The following FAM135A variants were observed in gnomAD, a reference collection of about 807,000 sequenced individuals.
FAM135A encodes the protein family with sequence similarity 135 member A, also known as protein FAM135A.
Under a neutral mutation model 146.8 loss-of-function variants are expected in FAM135A, and 79 were observed. The ratio of observed to expected loss-of-function variants is 0.54; its 90% CI spans 0.45 to 0.65. The LOEUF is 0.65. Ranked by LOEUF, FAM135A falls within the 30% of genes least tolerant of loss-of-function variation. The probability of loss-of-function intolerance (pLI) is 0.00; values close to 1 mark genes in which losing one functional copy is unlikely to be tolerated. For missense variants in FAM135A, 1,623 were observed against 1,758.2 expected (o/e 0.92, Z 1.38); for synonymous variants, 562 against 603.6 (o/e 0.93, Z 1.01).
At chr6:70,556,065 A>G (rs1460977469) in intron 20 of FAM135A, among the ~76,000 whole-genome samples, 3 of 151,990 alleles carry the variant, frequency 2.0e-5, no homozygotes, top group South Asian at 4.2e-4. Context: ...CCTGGCCAAT[A>G]TGGTGAAACC....
At chr6:70,494,150 T>C (rs541620538) in intron 11 of FAM135A, among the ~76,000 whole-genome samples, 1 of 151,680 alleles carries the variant, frequency 6.6e-6, no homozygotes, top group Non-Finnish European at 1.5e-5. Flanking sequence ...TGTATGAAAC[T>C]ATATATTGTT....
In FAM135A at chr6:70,560,936, CTT is replaced by C. The variant is rs1801784740; in HGVS notation, c.*1018_*1019del. On this transcript the variant is annotated 3_prime_UTR_variant, in exon 22 of 22. Coordinates refer to ENST00000418814, the MANE Select transcript of FAM135A (RefSeq NM_001162529.3). ...TTTTTGATATATGGAGATGTTGAGT[CTT>C]TTGACTTTACTAAAGGTGCTGAATA... is the stretch of plus-strand genomic sequence containing the variant. The C allele has an allele frequency of 6.6e-6, 1 of 152,464 alleles. No individual in the cohort carries two copies. Among genetic ancestry groups the C allele is most frequent in the Non-Finnish European group, 1.5e-5 (1 of 67,966 alleles). 9.4% of individuals were successfully genotyped at this position (152,464 alleles called of 1,614,324 possible).
intron 10 of FAM135A, among the ~76,000 whole-genome samples, chr6:70,484,758 C>T (rs1360618527): frequency 6.6e-6 from 1 of 152,212 alleles, no homozygotes; most frequent in Non-Finnish European, 1.5e-5. Context: ...TGCTGCTCAC[C>T]TCCTGCTGTG....
intron 20 of FAM135A, among the ~76,000 whole-genome samples, chr6:70,541,766 G>A (rs1797970382): frequency 6.6e-6 from 1 of 152,114 alleles, no homozygotes; most frequent in Non-Finnish European, 1.5e-5. Flanking sequence ...CAAATCTAGT[G>A]TTTTCAGACA....
At chr6:70,513,649 C>T (rs1051319536) in intron 12 of FAM135A, among the ~76,000 whole-genome samples, 1 of 151,796 alleles carries the variant, frequency 6.6e-6, no homozygotes, top group South Asian at 2.1e-4. Context: ...ATTTTATTTT[C>T]CAAATGGTTG....
chr6:70,522,553 C>G lies in FAM135A; in HGVS notation c.1070C>G (p.Pro357Arg). Residue 357 changes from proline to arginine, a missense_variant, in exon 13 of 22, where the codon CCA (proline) becomes CGA (arginine). Pro to Arg is a moderately radical substitution (Grantham distance 103). Around this residue, in one of 7 missense-constraint regions of FAM135A, gnomAD observed 23 missense variants for 47.7 expected, o/e 0.48. Coordinates refer to ENST00000418814, the MANE Select transcript of FAM135A (RefSeq NM_001162529.3). ...GAGGCATTCTTTTGTTTTGAGCATCCAAGAGAAGCTGCCATTGCATACCAG... is the reference window on the plus strand; with the variant it reads ...GAGGCATTCTTTTGTTTTGAGCATCGAAGAGAAGCTGCCATTGCATACCAG... ...FSEAFFCFEH[P>R]REAAIAYQEL... The G allele has an allele frequency of 1.9e-6, 3 of 1,613,560 alleles. No individual in the cohort carries two copies. Among genetic ancestry groups the G allele is most frequent in the Non-Finnish European group, 2.5e-6 (3 of 1,179,730 alleles).
intron 14 of FAM135A, 76 bp from the exon 15 acceptor site, chr6:70,524,267 T>A (rs1794226769): frequency 7.1e-7 from 1 of 1,409,976 alleles, no homozygotes; most frequent in Non-Finnish European, 9.4e-7. Context: ...GAAGTTATAG[T>A]TAGAAAAAGA....
chr6:70,456,572 T>C (rs116679457), intron 5 of FAM135A, among the ~76,000 whole-genome samples: 421 of 152,358 alleles, frequency 2.8e-3, no homozygotes, highest in African/African-American at 9.4e-3. Flanking sequence ...AAAAGTATCA[T>C]TTGAAAATAA....
chr6:70,508,617 G>T (rs1233354042), intron 12 of FAM135A, among the ~76,000 whole-genome samples: 1 of 152,168 alleles, frequency 6.6e-6, no homozygotes, highest in Non-Finnish European at 1.5e-5. Flanking sequence ...TTTTGTTAGG[G>T]TTAGTGGAGT....
rs144736666 is a variant in FAM135A, at chr6:70,546,851, T to G, written c.4228+8450T>G. Among the ~76,000 whole-genome samples the G allele has an allele frequency of 6.6e-5, 10 of 152,274 alleles. No individual in the cohort carries two copies. In the East Asian group the frequency reaches 1.9e-3, roughly 29 times the overall value. ...AATTTGCAGGTGGCATACAAGCATC[T>G]CAGCATTGGATAGCAGGGAAAAGAA... is the stretch of plus-strand genomic sequence containing the variant. On this transcript the variant is annotated intron_variant, in intron 20 of 21. Coordinates refer to ENST00000418814, the MANE Select transcript of FAM135A (RefSeq NM_001162529.3).
chr6:70,538,564 G>T (rs1349946558), intron 20 of FAM135A, among the ~76,000 whole-genome samples, 163 bp downstream of exon 20: 1 of 151,928 alleles, frequency 6.6e-6, no homozygotes, highest in Non-Finnish European at 1.5e-5. Flanking sequence ...CTGAAACTAA[G>T]CAGTTGAAAG....
intron 2 of FAM135A, chr6:70,417,477 T>G (rs1281952012): frequency 2.4e-6 from 1 of 422,298 alleles, no homozygotes; most frequent in Non-Finnish European, 3.2e-6. Context: ...CCACCCAAAG[T>G]GCTGGGATTA....
chr6:70,555,415 C>T (rs988269696), intron 20 of FAM135A, among the ~76,000 whole-genome samples: 16 of 152,088 alleles, frequency 1.1e-4, no homozygotes, highest in African/African-American at 3.9e-4. Context: ...TTATGCAGCA[C>T]CACACCTGGC....
chr6:70,497,675 A>G (rs917824468), intron 11 of FAM135A, among the ~76,000 whole-genome samples: 2 of 152,206 alleles, frequency 1.3e-5, no homozygotes, highest in African/African-American at 4.8e-5. Context: ...CGTTCCATCA[A>G]TACCTACTTT....
intron 4 of FAM135A, among the ~76,000 whole-genome samples, chr6:70,441,262 C>T (rs748483697): frequency 6.6e-6 from 1 of 152,008 alleles, no homozygotes; most frequent in Non-Finnish European, 1.5e-5. Context: ...GTGGCACGCA[C>T]CTATAATCCC....
At chr6:70,439,486 C>G (rs777328060) in intron 4 of FAM135A, among the ~76,000 whole-genome samples, 51 of 152,130 alleles carry the variant, frequency 3.4e-4, no homozygotes, top group Non-Finnish European at 6.3e-4. Flanking sequence ...TTCAACCTTT[C>G]TCTTTCCTTG....
chr6:70,464,658 C>CTTTCTTT (rs1460241786), intron 5 of FAM135A, among the ~76,000 whole-genome samples: 5 of 100,452 alleles, frequency 5.0e-5, no homozygotes, highest in African/African-American at 1.9e-4. Context: ...TTCTTTCTTT[C>CTTTCTTT]TTTTTTTTCT....
At chr6:70,474,707 A>G (rs1782281424) in intron 5 of FAM135A, among the ~76,000 whole-genome samples, 1 of 152,168 alleles carries the variant, frequency 6.6e-6, no homozygotes, top group South Asian at 2.1e-4. Context: ...TCGAACATCC[A>G]GTATGTGATG....
intron 4 of FAM135A, among the ~76,000 whole-genome samples, chr6:70,437,266 A>G (rs1486197389): frequency 1.3e-5 from 2 of 152,160 alleles, no homozygotes; most frequent in East Asian, 1.9e-4. Context: ...CAAAGAGGTA[A>G]CCAATAAATT....
Sources: allele counts gnomAD v4.1 joint callset (sites outside exome capture counted in the v4.1 genomes callset), GRCh38; gene constraint gnomAD v4.1.1; regional missense constraint gnomAD v4.1.1; transcripts MANE v1.5; gene names NCBI Gene and HGNC (gene_info 2026-07-23, HGNC 2026-07-21).